The following TUBD1 variants were observed in gnomAD, a reference collection of about 807,000 sequenced individuals.
TUBD1 encodes the protein tubulin delta 1, also known as tubulin delta chain.
In TUBD1, 38 loss-of-function variants were observed where a neutral mutation model predicts 51.2. That is an observed-to-expected ratio of 0.74 (90% confidence interval 0.57 to 0.97). The LOEUF (loss-of-function observed/expected upper bound fraction) is 0.97. TUBD1 is among the 50% of genes least tolerant of loss of function. TUBD1 has a pLI of 0.00. For synonymous variants in TUBD1, 169 were observed against 178.2 expected (o/e 0.95, Z 0.41); for missense variants, 489 against 538.4 (o/e 0.91, Z 0.91).
chr17:59,886,666 G>T (rs2144569576), intron 2 of TUBD1: 1 of 157,826 alleles, frequency 6.3e-6, no homozygotes, highest in African/African-American at 2.4e-5. Flanking sequence ...GAGTACCTGG[G>T]TCAGGTCTAC....
intron 8 of TUBD1, 141 bp from the exon 9 acceptor site, chr17:59,860,565 T>C (rs1027616108): frequency 3.3e-6 from 2 of 610,672 alleles, no homozygotes; most frequent in Non-Finnish European, 5.7e-6. Flanking sequence ...ACATTTGCTT[T>C]GTTTACTCCA....
chr17:59,860,391 G>T lies in TUBD1; in HGVS notation c.1293C>A (p.Ile431=), dbSNP rs376202678. 2.5e-6 allele frequency: 4 copies of T among 1,602,140 alleles called. No homozygotes were observed. The highest frequency in any genetic ancestry group is 3.4e-6 in the Non-Finnish European group (4 of 1,173,786). Residue 431 remains isoleucine, a synonymous_variant, in exon 9 of 9, where the codon ATC becomes ATA. Transcript: ENST00000325752. ...AACTGTCTAAAAAGTCCTCTTCTTC[G>T]ATTCCAAATTTTGTGTACTGATGAA... The part of the protein sequence containing the change: ...AYIHQYTKFG[I]EEEDFLDSFT...
chr17:59,869,583 T>C (rs2039886887), intron 6 of TUBD1, among the ~76,000 whole-genome samples: 1 of 152,160 alleles, frequency 6.6e-6, no homozygotes, highest in Admixed American at 6.6e-5. Context: ...CAGAGCAGCA[T>C]GTCTCACATG....
At chr17:59,869,542 G>A (rs2039885820) in intron 6 of TUBD1, among the ~76,000 whole-genome samples, 1 of 151,818 alleles carries the variant, frequency 6.6e-6, no homozygotes, top group Non-Finnish European at 1.5e-5. Flanking sequence ...TGGGAACTCA[G>A]CAAACTGTGG....
chr17:59,890,960 T>C lies in TUBD1; in HGVS notation c.43A>G (p.Ile15Val). The change falls in exon 2 of 9, where the codon ATT (isoleucine) becomes GTT (valine). Residue 15 changes from isoleucine (I) to valine (V), a missense_variant. Physicochemically the swap from Ile to Val is conservative, Grantham distance 29. Coordinates refer to ENST00000325752, the MANE Select transcript of TUBD1 (RefSeq NM_016261.4). ...TVQLGQCGNQIGFEVFDALLS... is the reference protein window; with the variant it reads ...TVQLGQCGNQVGFEVFDALLS... Reference sequence around the variant, plus strand: ...AAAGCATCAAAAACTTCAAAACCAATCTGATTGCCACACTGACCAAGTTGC... The same window carrying C: ...AAAGCATCAAAAACTTCAAAACCAACCTGATTGCCACACTGACCAAGTTGC... 5 of 1,613,762 alleles carry C rather than the reference T, an allele frequency of 3.1e-6. No individual in the cohort carries two copies. Among genetic ancestry groups the C allele is most frequent in the Non-Finnish European group, 4.2e-6 (5 of 1,179,958 alleles).
chr17:59,877,235 T>C (rs2040266733), intron 5 of TUBD1, among the ~76,000 whole-genome samples: 1 of 152,202 alleles, frequency 6.6e-6, no homozygotes, highest in Admixed American at 6.5e-5. Context: ...TCTTCCTCTT[T>C]CTGGCAAAAT....
Position 59,860,228 on chromosome 17 carries a change from G to T in TUBD1, c.*94C>A. ...AGACGGTGTTTCACCGTGTTAGCCAGGATGGAGAACTTTGAAAACTTTACA... is the reference window on the plus strand; with the variant it reads ...AGACGGTGTTTCACCGTGTTAGCCATGATGGAGAACTTTGAAAACTTTACA... On this transcript the variant is annotated 3_prime_UTR_variant, in exon 9 of 9. Coordinates refer to ENST00000325752, the MANE Select transcript of TUBD1 (RefSeq NM_016261.4). 1 of 945,824 alleles carries T rather than the reference G, an allele frequency of 1.1e-6. No homozygotes were observed. Among genetic ancestry groups the T allele is most frequent in the Non-Finnish European group, 1.6e-6 (1 of 615,664 alleles). The allele number at this position is 945,824 out of a possible 1,614,324, so 58.6% of individuals were successfully genotyped here. A position where few individuals can be genotyped will look rare whatever the true frequency, so the allele number is the denominator to read the frequency against.
intron 3 of TUBD1, among the ~76,000 whole-genome samples, chr17:59,882,884 A>G (rs60928829): frequency 0.038 from 5,731 of 151,860 alleles, 328 homozygotes; most frequent in African/African-American, 0.13. Context: ...ACTTGGGTTC[A>G]AGTGATTCTC....
At chr17:59,861,195 ATTT>A (rs34020172) in intron 8 of TUBD1, among the ~76,000 whole-genome samples, 7 of 141,902 alleles carry the variant, frequency 4.9e-5, no homozygotes, top group African/African-American at 1.6e-4. Flanking sequence ...ACCCCACAAA[ATTT>A]TTTTTTTTTT....
intron 4 of TUBD1, 136 bp from the exon 5 acceptor site, chr17:59,878,470 A>G (rs1377697863): frequency 1.6e-6 from 1 of 618,502 alleles, no homozygotes; most frequent in Non-Finnish European, 2.8e-6. Flanking sequence ...CAAGTTTTTT[A>G]ATCTCTATGC....
chr17:59,860,240 T>C lies in TUBD1; in HGVS notation c.*82A>G. Reference sequence around the variant, plus strand: ...ACCGTGTTAGCCAGGATGGAGAACTTTGAAAACTTTACAGAGAAAATAGTA... The same window carrying C: ...ACCGTGTTAGCCAGGATGGAGAACTCTGAAAACTTTACAGAGAAAATAGTA... On this transcript the variant is annotated 3_prime_UTR_variant, in exon 9 of 9. Coordinates refer to ENST00000325752, the MANE Select transcript of TUBD1 (RefSeq NM_016261.4). 9.3e-7 allele frequency: 1 copy of C among 1,070,260 alleles called. No individual in the cohort carries two copies. Among genetic ancestry groups the C allele is most frequent in the African/African-American group, 1.6e-5 (1 of 61,784 alleles). 66.3% of individuals were successfully genotyped at this position (1,070,260 alleles called of 1,614,324 possible). A position where few individuals can be genotyped will look rare whatever the true frequency, so the allele number is the denominator to read the frequency against.
intron 3 of TUBD1, 88 bp from the exon 4 acceptor site, chr17:59,881,198 G>GT: frequency 3.4e-6 from 4 of 1,178,192 alleles, no homozygotes; most frequent in South Asian, 1.4e-5. Flanking sequence ...GGATAGAGAG[G>GT]TTTTTTCAAA....
intron 6 of TUBD1, among the ~76,000 whole-genome samples, chr17:59,868,707 C>G (rs372312091): frequency 6.6e-6 from 1 of 151,858 alleles, no homozygotes; most frequent in Non-Finnish European, 1.5e-5. Context: ...CGTGGTGGCA[C>G]ACGCCTGTAG....
rs2040073250 is a variant in TUBD1, at chr17:59,873,160, G to C, written c.934+1379C>G. Among the ~76,000 whole-genome samples, 3 of 152,144 alleles carry C rather than the reference G, an allele frequency of 2.0e-5. No homozygotes were observed. In the South Asian group the frequency reaches 6.2e-4, roughly 31 times the overall value. ...ATTGTAGATGAAATAGCTAGACGTTGAAAGTAGTTTCATCTGTGTAATGGG... is the reference window on the plus strand; with the variant it reads ...ATTGTAGATGAAATAGCTAGACGTTCAAAGTAGTTTCATCTGTGTAATGGG... On this transcript the variant is annotated intron_variant, in intron 6 of 8. Transcript: ENST00000325752.
chr17:59,862,918 G>T (rs1051392878), intron 8 of TUBD1, among the ~76,000 whole-genome samples: 1 of 151,590 alleles, frequency 6.6e-6, no homozygotes, highest in African/African-American at 2.4e-5. Context: ...TAGAGACGGG[G>T]TTTCACCGTG....
chr17:59,864,739 C>T (rs1185339927), intron 7 of TUBD1, among the ~76,000 whole-genome samples: 1 of 152,144 alleles, frequency 6.6e-6, no homozygotes, highest in African/African-American at 2.4e-5. Context: ...CCCAAGCAAT[C>T]GTCCCACCTC....
At chr17:59,872,809 C>G (rs1350696042) in intron 6 of TUBD1, among the ~76,000 whole-genome samples, 1 of 151,334 alleles carries the variant, frequency 6.6e-6, no homozygotes, top group East Asian at 1.9e-4. Flanking sequence ...TGTTATCACC[C>G]AGGCTGGAAT....
At chr17:59,883,662 A>G (rs1336921250) in intron 3 of TUBD1, among the ~76,000 whole-genome samples, 2 of 152,054 alleles carry the variant, frequency 1.3e-5, no homozygotes, top group Admixed American at 1.3e-4. Context: ...TTGGCCTCCC[A>G]AAGTGTTGGG....
At chr17:59,864,009 A>C (rs2039583426) in intron 7 of TUBD1, among the ~76,000 whole-genome samples, 162 bp from the exon 8 acceptor site, 1 of 151,974 alleles carries the variant, frequency 6.6e-6, no homozygotes, top group African/African-American at 2.4e-5. Context: ...TAGGAGGTGG[A>C]GGAGGGTAGA....
Sources: gnomAD v4.1 joint callset for allele counts (sites outside exome capture counted in the v4.1 genomes callset) on GRCh38, gnomAD v4.1.1 for gene constraint, MANE v1.5 for transcripts, NCBI Gene and HGNC (gene_info 2026-07-23, HGNC 2026-07-21) for gene names.